The following RALYL variants were observed in gnomAD, a reference collection of about 807,000 sequenced individuals.
RALYL encodes RALY RNA binding protein like.
Under a neutral mutation model 35.1 loss-of-function variants are expected in RALYL, and 29 were observed. The observed-to-expected ratio is 0.83, with a 90% CI of 0.61 to 1.13. The LOEUF (loss-of-function observed/expected upper bound fraction) is 1.13, where lower values mean the gene tolerates loss of function less well. Ranked by LOEUF, RALYL falls within the 50% of genes most tolerant of loss-of-function variation. The pLI is 0.00. For synonymous variants in RALYL, 120 were observed against 127.6 expected, an observed-to-expected ratio of 0.94 and a Z score of 0.40; for missense variants, 359 against 360.4, an observed-to-expected ratio of 1.00 and a Z score of 0.03.
At chr8:84,316,510 A>G (rs990140800) in intron 1 of RALYL, among the ~76,000 whole-genome samples, 2 of 152,162 alleles carry the variant, frequency 1.3e-5, no homozygotes, top group African/African-American at 2.4e-5. Flanking sequence ...TTGTTGTTAC[A>G]TGTACATTCT....
At chr8:84,750,668 G>C (rs952988827) in intron 2 of RALYL, among the ~76,000 whole-genome samples, 5 of 152,134 alleles carry the variant, frequency 3.3e-5, no homozygotes, top group African/African-American at 1.2e-4. Context: ...TAATAGGTTA[G>C]TGAATTAATG....
chr8:84,394,413 T>C (rs1355343854), intron 1 of RALYL, among the ~76,000 whole-genome samples: 1 of 151,892 alleles, frequency 6.6e-6, no homozygotes, highest in Non-Finnish European at 1.5e-5. Flanking sequence ...TTAAACACTT[T>C]GCGTACTTCC....
At chr8:84,223,481 C>T (rs906982865) in intron 1 of RALYL, among the ~76,000 whole-genome samples, 1 of 152,016 alleles carries the variant, frequency 6.6e-6, no homozygotes, top group African/African-American at 2.4e-5. Context: ...TTGGAATATT[C>T]ACTATAAGAA....
At chr8:84,330,865 G>T (rs566301444) in intron 1 of RALYL, among the ~76,000 whole-genome samples, 1 of 151,940 alleles carries the variant, frequency 6.6e-6, no homozygotes, top group Admixed American at 6.6e-5. Flanking sequence ...GAGCAAGGGT[G>T]GTGTATTTGA....
chr8:84,775,101 C>G (rs1388699951), intron 3 of RALYL, among the ~76,000 whole-genome samples: 1 of 152,168 alleles, frequency 6.6e-6, no homozygotes, highest in South Asian at 2.1e-4. Flanking sequence ...AGGTGCCCAC[C>G]ACCACACCCA....
intron 1 of RALYL, among the ~76,000 whole-genome samples, chr8:84,428,481 T>A (rs1262457446): frequency 1.3e-5 from 2 of 152,176 alleles, no homozygotes; most frequent in African/African-American, 4.8e-5. Context: ...TTGTGAGAAA[T>A]GGCTCAATGT....
chr8:84,774,754 A>G, intron 3 of RALYL, 100 bp downstream of exon 3: 1 of 736,412 alleles, frequency 1.4e-6, no homozygotes, highest in South Asian at 1.7e-5. Context: ...TTAAAATAAT[A>G]ATCCTTATTG....
intron 1 of RALYL, among the ~76,000 whole-genome samples, chr8:84,321,539 G>T (rs1844809048): frequency 6.6e-6 from 1 of 152,082 alleles, no homozygotes. Flanking sequence ...CATTGTATTT[G>T]TATAGGTTTT....
intron 2 of RALYL, among the ~76,000 whole-genome samples, chr8:84,765,176 G>T (rs1229600114): frequency 1.3e-5 from 2 of 152,128 alleles, no homozygotes; most frequent in African/African-American, 4.8e-5. Context: ...CTTTAATCAT[G>T]CATCCTCCCC....
intron 4 of RALYL, among the ~76,000 whole-genome samples, chr8:84,812,131 G>A (rs1035730067): frequency 6.6e-6 from 1 of 152,150 alleles, no homozygotes; most frequent in Non-Finnish European, 1.5e-5. Flanking sequence ...GGTAGGCGCT[G>A]TCAGAGGGAA....
intron 2 of RALYL, among the ~76,000 whole-genome samples, chr8:84,744,486 T>C (rs977375905): frequency 1.3e-5 from 2 of 151,996 alleles, no homozygotes; most frequent in South Asian, 2.1e-4. Context: ...ACAAAGAAAT[T>C]TGGAGTAGCC....
chr8:84,914,582 TAATTA>T (rs755159038), intron 8 of RALYL, among the ~76,000 whole-genome samples: 1 of 145,556 alleles, frequency 6.9e-6, no homozygotes. Flanking sequence ...ATTTTTTGAA[TAATTA>T]AATTTTTACA....
chr8:84,697,242 T>A (rs1039006513), intron 2 of RALYL, among the ~76,000 whole-genome samples: 1 of 152,060 alleles, frequency 6.6e-6, no homozygotes, highest in Non-Finnish European at 1.5e-5. Context: ...GAAATTGATA[T>A]TTTTTAAAGC....
chr8:84,717,278 A>C (rs1404074727), intron 2 of RALYL, among the ~76,000 whole-genome samples: 1 of 152,172 alleles, frequency 6.6e-6, no homozygotes, highest in Non-Finnish European at 1.5e-5. Context: ...TAAGTTAACC[A>C]TTTCTTATAT....
intron 2 of RALYL, among the ~76,000 whole-genome samples, chr8:84,731,526 T>C (rs1283028984): frequency 6.6e-6 from 1 of 152,114 alleles, no homozygotes; most frequent in African/African-American, 2.4e-5. Context: ...ACGTCAGTGA[T>C]TTTATCTCTT....
At chr8:84,201,338 C>T (rs912970603) in intron 1 of RALYL, among the ~76,000 whole-genome samples, 8 of 152,080 alleles carry the variant, frequency 5.3e-5, no homozygotes, top group African/African-American at 1.7e-4. Flanking sequence ...CATGTAATTT[C>T]GATCCATCAT....
At chr8:84,255,222 A>C (rs892799887) in intron 1 of RALYL, among the ~76,000 whole-genome samples, 1 of 152,272 alleles carries the variant, frequency 6.6e-6, no homozygotes, top group African/African-American at 2.4e-5. Context: ...TAGGACATAA[A>C]AATTTAGATA....
chr8:84,515,054 T>G (rs1012548823), intron 1 of RALYL, among the ~76,000 whole-genome samples: 1 of 152,200 alleles, frequency 6.6e-6, no homozygotes. Context: ...CTCTCAAGCC[T>G]ATAAAATCTA....
chr8:84,405,172 T>C (rs317948), intron 1 of RALYL, among the ~76,000 whole-genome samples: 100,466 of 151,952 alleles, frequency 0.66, 34,757 homozygotes, highest in African/African-American at 0.88. Flanking sequence ...CCAATGATAA[T>C]AAAGACACAA....
Sources: gnomAD v4.1 joint callset for allele counts (sites outside exome capture counted in the v4.1 genomes callset) on GRCh38, gnomAD v4.1.1 for gene constraint, MANE v1.5 for transcripts, NCBI Gene and HGNC (gene_info 2026-07-23, HGNC 2026-07-21) for gene names.